Variants in ABCA1 observed in about 807,000 individuals in gnomAD.
ABCA1 encodes the protein ATP binding cassette subfamily A member 1, also known as phospholipid-transporting ATPase ABCA1.
A neutral mutation model predicts 262.5 loss-of-function variants in ABCA1; 133 were observed. The observed-to-expected ratio is 0.51, with a 90% confidence interval of 0.44 to 0.59. ABCA1 has a LOEUF of 0.59. Among genes scored for constraint, ABCA1 ranks in the 20% least tolerant of loss-of-function variants. The pLI is 0.00. For synonymous variants in ABCA1, 1,022 were observed against 1,043.5 expected, an observed-to-expected ratio of 0.98 and a Z score of 0.40; for missense variants, 2,452 against 2,777.5, an observed-to-expected ratio of 0.88 and a Z score of 2.63.
chr9:104,802,559 G>A (rs1030123411), intron 33 of ABCA1, among the ~76,000 whole-genome samples: 1 of 152,118 alleles, frequency 6.6e-6, no homozygotes, highest in Non-Finnish European at 1.5e-5. Flanking sequence ...CACAGGCTCC[G>A]GCTCCTTTCT....
In ABCA1 at chr9:104,920,668, C is replaced by T. The variant is rs938176680; in HGVS notation, c.-93+7267G>A. On this transcript the variant is annotated intron_variant, in intron 1 of 49. Coordinates refer to ENST00000374736, the MANE Select transcript of ABCA1 (RefSeq NM_005502.4). ...CTGGGATTACAGGCTTGCACCACCA[C>T]GCCCAGCTAATTTTTGTATTTTTAG... 5.3e-5 allele frequency among the ~76,000 whole-genome samples: 8 copies of T among 152,148 alleles called. No individual in the cohort carries two copies. The East Asian group carries it at 7.7e-4, about 15-fold the overall frequency.
chr9:104,812,503 G>A, intron 28 of ABCA1, 71 bp downstream of exon 28: 1 of 1,592,760 alleles, frequency 6.3e-7, no homozygotes, highest in Non-Finnish European at 8.6e-7. Context: ...ATGCTATCCT[G>A]CCTTCACTGG....
Position 104,802,270 on chromosome 9 carries a change from G to T in ABCA1, c.4593-111C>A, listed in dbSNP as rs187660458. 1.5e-5 allele frequency: 15 copies of T among 999,114 alleles called. No individual in the cohort carries two copies. The East Asian group carries it at 2.3e-4, about 15-fold the overall frequency. 61.9% of individuals were successfully genotyped at this position (999,114 alleles called of 1,614,324 possible). On this transcript the variant is annotated intron_variant, in intron 33 of 49. Coordinates refer to ENST00000374736, the MANE Select transcript of ABCA1 (RefSeq NM_005502.4). ...TCACTGAGTCAAATTCCTGTTCAAA[G>T]GAGGGCTAAATTTTGCCTCAGAGAA...
At chr9:104,920,693 G>A (rs928173556) in intron 1 of ABCA1, among the ~76,000 whole-genome samples, 1 of 152,098 alleles carries the variant, frequency 6.6e-6, no homozygotes, top group African/African-American at 2.4e-5. Context: ...TGTATTTTTA[G>A]TAGAGACGGG....
chr9:104,855,621 C>T lies in ABCA1; in HGVS notation c.720+2901G>A. 7 of 1,429,740 alleles carry T rather than the reference C, an allele frequency of 4.9e-6. No individual in the cohort carries two copies. The South Asian group carries it at 6.3e-5, about 13-fold the overall frequency. 88.6% of individuals were successfully genotyped at this position (1,429,740 alleles called of 1,614,324 possible). On this transcript the variant is annotated intron_variant, in intron 7 of 49. Transcript: ENST00000374736. ...ATTGTGTGCCAGGCCCCACACCAGG[C>T]TCTTCATATGTGTAACCAATAATCA...
intron 24 of ABCA1, among the ~76,000 whole-genome samples, chr9:104,816,972 A>G (rs533804472): frequency 1.6e-4 from 24 of 152,130 alleles, no homozygotes; most frequent in African/African-American, 5.5e-4. Flanking sequence ...GCTGTTCCTC[A>G]TCTCCTGGGC....
chr9:104,814,304 A>T, intron 26 of ABCA1, 73 bp from the exon 27 acceptor site: 1 of 1,566,530 alleles, frequency 6.4e-7, no homozygotes, highest in South Asian at 1.1e-5. Flanking sequence ...TCTGCAACAA[A>T]CCTACACTCT....
At chr9:104,829,642 T>C (rs537410729) in intron 14 of ABCA1, among the ~76,000 whole-genome samples, 1 of 152,096 alleles carries the variant, frequency 6.6e-6, no homozygotes, top group South Asian at 2.1e-4. Context: ...GAACTTGAGG[T>C]TCACGTCAAA....
chr9:104,884,711 A>T (rs1838999827), intron 3 of ABCA1, 143 bp from the exon 4 acceptor site: 5 of 996,454 alleles, frequency 5.0e-6, no homozygotes, highest in Non-Finnish European at 7.7e-6. Flanking sequence ...TCTGAATAAA[A>T]CTGACTCTCA....
chr9:104,822,133 T>C (rs374965092), intron 19 of ABCA1, among the ~76,000 whole-genome samples: 1 of 152,244 alleles, frequency 6.6e-6, no homozygotes, highest in East Asian at 1.9e-4. Flanking sequence ...CCCAGCTTGA[T>C]TGCGTCTCAC....
chr9:104,818,864 A>C lies in ABCA1; in HGVS notation c.3261T>G (p.Ser1087=), dbSNP rs962013576. 1 of 1,613,554 alleles carries C rather than the reference A, an allele frequency of 6.2e-7. No homozygotes were observed. Among genetic ancestry groups the C allele is most frequent in the African/African-American group, 1.3e-5 (1 of 74,908 alleles). Reference sequence around the variant, plus strand: ...CGTCCGCTTCATCCATGTGGTGTGTAGAGAGAATAATGGTGCGGCCTGCCA... The same window carrying C: ...CGTCCGCTTCATCCATGTGGTGTGTCGAGAGAATAATGGTGCGGCCTGCCA... The part of the protein sequence containing the change: ...KYRQGRTIIL[S]THHMDEADVL... Residue 1087 remains serine, a synonymous_variant, in exon 23 of 50, where the codon TCT becomes TCG. Transcript: ENST00000374736.
rs768355396 is a variant in ABCA1, at chr9:104,831,690, G to A, written c.1647C>T (p.Pro549=). The A allele has an allele frequency of 6.2e-7, 1 of 1,614,034 alleles. No homozygotes were observed. Among genetic ancestry groups the A allele is most frequent in the East Asian group, 2.2e-5 (1 of 44,878 alleles). The change falls in exon 13 of 50, where the codon CCC becomes CCT. Residue 549 remains proline, a synonymous_variant. Transcript: ENST00000374736. ...TTCGGATCTTGTACTTGACATGATG[G>A]GGCAGCTCAATGCTGCCTGGAGTAA... ...TGITPGSIEL[P]HHVKYKIRMD...
In ABCA1 at chr9:104,840,532, A is replaced by AT. The variant is rs2067484; in HGVS notation, c.814-14dup. ...TCATGCTGAACAGCTGGCGTCAGGGATGGGGACAGAAAGGAGGGTAGGGGA... is the reference window on the plus strand; with the variant it reads ...TCATGCTGAACAGCTGGCGTCAGGGATTGGGGACAGAAAGGAGGGTAGGGGA... On this transcript the variant is annotated splice_polypyrimidine_tract_variant and intron_variant, in intron 8 of 49. Transcript: ENST00000374736. 132,862 of 1,611,126 alleles carry AT rather than the reference A, an allele frequency of 0.082. 8,333 individuals carry two copies. The highest frequency in any genetic ancestry group is 0.39 in the East Asian group (17,423 of 44,806).
chr9:104,799,394 TCACACACACACACACACA>T (rs3983647), intron 36 of ABCA1: 40 of 553,292 alleles, frequency 7.2e-5, no homozygotes, highest in African/African-American at 6.7e-4. Flanking sequence ...GCTTTAAACT[TCACACACACACACACACA>T]CACACACACA....
chr9:104,895,544 C>A (rs2740493), intron 2 of ABCA1, among the ~76,000 whole-genome samples: 1 of 151,954 alleles, frequency 6.6e-6, no homozygotes, highest in Non-Finnish European at 1.5e-5. Context: ...CGGCCCCGGT[C>A]GAGAACCACT....
At chr9:104,884,288 A>C in intron 4 of ABCA1, 139 bp downstream of exon 4, 1 of 1,088,558 alleles carries the variant, frequency 9.2e-7, no homozygotes, top group Non-Finnish European at 1.4e-6. Context: ...CCCTTCCCTC[A>C]TTCTGCAGAC....
intron 1 of ABCA1, among the ~76,000 whole-genome samples, chr9:104,906,766 A>G (rs1841176455): frequency 6.6e-6 from 1 of 151,926 alleles, no homozygotes. Context: ...AAAAAAAAAA[A>G]AAGATATAAA....
chr9:104,819,464 T>C, intron 22 of ABCA1, 122 bp downstream of exon 22: 1 of 1,387,462 alleles, frequency 7.2e-7, no homozygotes, highest in Non-Finnish European at 1.0e-6. Context: ...TTATCTCTTC[T>C]GTGATAACAG....
rs772439954 is a variant in ABCA1 at position 104,800,627 on chromosome 9, A to T, written c.4699-43T>A. Reference sequence around the variant, plus strand: ...CTGCCTCAGTTGTGACTGTTCACATAGATAAGGGGCAACAGTCAATCTGGA... The same window carrying T: ...CTGCCTCAGTTGTGACTGTTCACATTGATAAGGGGCAACAGTCAATCTGGA... On this transcript the variant is annotated intron_variant, in intron 34 of 49. Transcript: ENST00000374736. 13 of 1,571,768 alleles carry T rather than the reference A, an allele frequency of 8.3e-6. No individual in the cohort carries two copies. In the Admixed American group the frequency reaches 1.8e-4, roughly 22 times the overall value.
Sources: allele counts gnomAD v4.1 joint callset (sites outside exome capture counted in the v4.1 genomes callset), GRCh38; gene constraint gnomAD v4.1.1; transcripts MANE v1.5; gene names NCBI Gene and HGNC (gene_info 2026-07-23, HGNC 2026-07-21).